DSCAM: variants seen among roughly 807,000 people sequenced by gnomAD.
The protein encoded by DSCAM is cell adhesion molecule DSCAM.
In DSCAM, 47 loss-of-function variants were observed where a neutral mutation model predicts 217.7. That is an observed-to-expected ratio of 0.22 (90% CI 0.17 to 0.28). DSCAM has a LOEUF of 0.28. DSCAM is among the 10% of genes least tolerant of loss of function. DSCAM has a pLI of 1.00. For synonymous variants in DSCAM, 1,056 were observed against 1,015.3 expected (o/e 1.04, Z -0.76); for missense variants, 2,080 against 2,618.3 (o/e 0.79, Z 4.49).
chr21:40,659,592 T>G (rs888484081), intron 3 of DSCAM, among the ~76,000 whole-genome samples: 5 of 152,234 alleles, frequency 3.3e-5, no homozygotes, highest in Admixed American at 6.5e-5. Context: ...TTCATCTATC[T>G]GCCTTTCTAC....
chr21:40,042,815 C>T, intron 31 of DSCAM, 142 bp from the exon 32 acceptor site: 1 of 798,036 alleles, frequency 1.3e-6, no homozygotes, highest in Non-Finnish European at 1.9e-6. Context: ...GGCGGAGGCT[C>T]CTGCCTTAGG....
chr21:40,351,435 G>T (rs1222051759), intron 5 of DSCAM, among the ~76,000 whole-genome samples: 3 of 152,196 alleles, frequency 2.0e-5, no homozygotes, highest in Non-Finnish European at 4.4e-5. Context: ...AAGAAAGCTG[G>T]TTGACACACT....
At chr21:40,465,983 C>T (rs985347522) in intron 3 of DSCAM, among the ~76,000 whole-genome samples, 7 of 152,018 alleles carry the variant, frequency 4.6e-5, no homozygotes, top group African/African-American at 1.2e-4. Flanking sequence ...TTTTGGGTGA[C>T]GGAATCATGC....
At chr21:40,018,562 A>G (rs2088206181) in intron 32 of DSCAM, among the ~76,000 whole-genome samples, 1 of 152,232 alleles carries the variant, frequency 6.6e-6, no homozygotes, top group African/African-American at 2.4e-5. Context: ...GTGACTCCCC[A>G]TTGAATGCAC....
chr21:40,303,798 C>A (rs1055877860), intron 9 of DSCAM, among the ~76,000 whole-genome samples: 1 of 152,138 alleles, frequency 6.6e-6, no homozygotes, highest in Non-Finnish European at 1.5e-5. Context: ...AACTGACAGT[C>A]AACTATTTTA....
intron 32 of DSCAM, among the ~76,000 whole-genome samples, chr21:40,013,653 G>C (rs1323406983): frequency 2.6e-5 from 4 of 152,142 alleles, no homozygotes. Context: ...GAGGAATGGA[G>C]GTAACAGAAT....
chr21:40,768,795 C>T (rs930078726), intron 1 of DSCAM, among the ~76,000 whole-genome samples: 12 of 152,106 alleles, frequency 7.9e-5, no homozygotes, highest in African/African-American at 2.9e-4. Flanking sequence ...GAAACAAAAG[C>T]CAGTAGTTAC....
chr21:40,084,858 C>A (rs900841308), intron 23 of DSCAM, among the ~76,000 whole-genome samples: 3 of 152,068 alleles, frequency 2.0e-5, no homozygotes, highest in African/African-American at 7.2e-5. Context: ...AATTTTGCAG[C>A]ATTTTTAGAA....
chr21:40,123,716 G>T (rs1262179092), intron 20 of DSCAM, among the ~76,000 whole-genome samples: 1 of 150,296 alleles, frequency 6.7e-6, no homozygotes, highest in Non-Finnish European at 1.5e-5. Context: ...ATAGGGTTTT[G>T]CCTGCTATTC....
intron 11 of DSCAM, among the ~76,000 whole-genome samples, chr21:40,245,827 G>A (rs562803673): frequency 1.3e-3 from 199 of 152,238 alleles, no homozygotes; most frequent in African/African-American, 4.4e-3. Context: ...GAGGAGGAAC[G>A]GGGATGGTAG....
chr21:40,523,662 T>C (rs1601714156), intron 3 of DSCAM, among the ~76,000 whole-genome samples: 1 of 152,202 alleles, frequency 6.6e-6, no homozygotes, highest in Non-Finnish European at 1.5e-5. Flanking sequence ...TGTGATCTGA[T>C]TCTTCTGGTA....
chr21:40,347,598 T>C (rs990965418), intron 6 of DSCAM, 72 bp downstream of exon 6: 18 of 1,591,536 alleles, frequency 1.1e-5, no homozygotes, highest in Admixed American at 1.7e-5. Flanking sequence ...TGCTTCACCC[T>C]GTCTTCTTCT....
Position 40,357,053 on chromosome 21 carries a change from G to GAGCT in DSCAM, c.656-3314_656-3311dup, listed in dbSNP as rs2074701379. The stretch of plus-strand genomic sequence containing the variant: ...AATACTCTTTTAAAGAATACTTGAT[G>GAGCT]AGCTTCCAGGACTCCTCTAATTCTT... On this transcript the variant is annotated intron_variant, in intron 4 of 32. Coordinates refer to ENST00000400454, the MANE Select transcript of DSCAM (RefSeq NM_001389.5). Among the ~76,000 whole-genome samples, 5 of 152,226 alleles carry GAGCT rather than the reference G, an allele frequency of 3.3e-5. No individual in the cohort carries two copies. The East Asian group carries it at 9.7e-4, about 29-fold the overall frequency.
rs542324594 is a variant in DSCAM, at chr21:40,190,575, C to G, written c.2357-1337G>C. Among the ~76,000 whole-genome samples, 10 of 152,304 alleles carry G rather than the reference C, an allele frequency of 6.6e-5. No individual in the cohort carries two copies. The South Asian group carries it at 1.5e-3, about 22-fold the overall frequency. ...AGCTTGTGTTATATATGTAGAAAAACAATCTCTCCCCTGAGAATTTATAAA... is the reference window on the plus strand; with the variant it reads ...AGCTTGTGTTATATATGTAGAAAAAGAATCTCTCCCCTGAGAATTTATAAA... On this transcript the variant is annotated intron_variant, in intron 11 of 32. Coordinates refer to ENST00000400454, the MANE Select transcript of DSCAM (RefSeq NM_001389.5).
In DSCAM at chr21:40,667,712, GC is replaced by G. The variant is rs368298749; in HGVS notation, c.508+25097del. ...ATGGTTTTATAAGGGGCTTTTCCCC[GC>G]TTTTGCTTGGCACTTGTCTCTCCTG... On this transcript the variant is annotated intron_variant, in intron 3 of 32. Coordinates refer to ENST00000400454, the MANE Select transcript of DSCAM (RefSeq NM_001389.5). 1.2e-3 allele frequency among the ~76,000 whole-genome samples: 179 copies of G among 152,176 alleles called. 2 individuals carry two copies. In the East Asian group the frequency reaches 0.03, roughly 25 times the overall value.
chr21:40,700,629 T>C (rs2090645505), intron 2 of DSCAM, among the ~76,000 whole-genome samples: 2 of 152,088 alleles, frequency 1.3e-5, no homozygotes, highest in Admixed American at 6.5e-5. Context: ...TTCTTATGTC[T>C]TGTTTATGTA....
intron 3 of DSCAM, among the ~76,000 whole-genome samples, chr21:40,586,570 G>C (rs565392277): frequency 2.6e-5 from 4 of 152,176 alleles, no homozygotes; most frequent in African/African-American, 9.7e-5. Context: ...GTTCAATTCC[G>C]ATTCAGGAGA....
chr21:40,129,307 C>T (rs868838430), intron 19 of DSCAM, among the ~76,000 whole-genome samples: 2 of 152,192 alleles, frequency 1.3e-5, no homozygotes, highest in Non-Finnish European at 2.9e-5. Context: ...CACATATGTC[C>T]CTTTTCTCTT....
At chr21:40,217,428 T>G (rs932698376) in intron 11 of DSCAM, among the ~76,000 whole-genome samples, 4 of 152,126 alleles carry the variant, frequency 2.6e-5, no homozygotes, top group Non-Finnish European at 5.9e-5. Flanking sequence ...AACTTTTATT[T>G]TAGGTTTGGG....
Sources: allele counts gnomAD v4.1 joint callset (sites outside exome capture counted in the v4.1 genomes callset), GRCh38; gene constraint gnomAD v4.1.1; transcripts MANE v1.5; gene names NCBI Gene and HGNC (gene_info 2026-07-23, HGNC 2026-07-21).